CEP85L: variants seen among roughly 807,000 people sequenced by gnomAD.
CEP85L encodes the protein centrosomal protein 85L, also known as centrosomal protein of 85 kDa-like.
Under a neutral mutation model 100.3 loss-of-function variants are expected in CEP85L, and 60 were observed. The ratio of observed to expected loss-of-function variants is 0.60; its 90% CI spans 0.49 to 0.74. CEP85L has a LOEUF of 0.74. Ranked by LOEUF, CEP85L falls within the 30% of genes least tolerant of loss-of-function variation. The pLI is 0.00. For synonymous variants in CEP85L, 319 were observed against 322.7 expected (o/e 0.99, Z 0.12); for missense variants, 973 against 936.2 (o/e 1.04, Z -0.51).
intron 1 of CEP85L, among the ~76,000 whole-genome samples, chr6:118,649,909 T>A (rs1157021848): frequency 6.6e-6 from 1 of 152,240 alleles, no homozygotes; most frequent in Non-Finnish European, 1.5e-5. Flanking sequence ...AATGTACATA[T>A]GTCTTTTTAA....
At chr6:118,631,848 G>A (rs184801930) in intron 2 of CEP85L, among the ~76,000 whole-genome samples, 3 of 152,272 alleles carry the variant, frequency 2.0e-5, no homozygotes, top group Admixed American at 6.5e-5. Flanking sequence ...GAGGTATGTG[G>A]AAATGTTCTG....
intron 2 of CEP85L, among the ~76,000 whole-genome samples, chr6:118,571,530 C>T (rs1187645541): frequency 6.6e-6 from 1 of 152,118 alleles, no homozygotes; most frequent in Non-Finnish European, 1.5e-5. Flanking sequence ...TCATGTTATT[C>T]TCATCTGGTA....
chr6:118,571,142 AT>A lies in CEP85L; in HGVS notation c.233-4827del, dbSNP rs528677430. 8.0e-4 allele frequency among the ~76,000 whole-genome samples: 122 copies of A among 152,318 alleles called. 1 individual carries two copies. The highest frequency in any genetic ancestry group is 8.5e-4 in the Non-Finnish European group (58 of 68,018). On this transcript the variant is annotated intron_variant, in intron 2 of 12. Transcript: ENST00000368491. ...AGTCTAGAAAATGTTAACTTTAACA[AT>A]TTCAACACTTAAAAATGTTATTTTA...
At chr6:118,640,374 A>T (rs1021129299) in intron 1 of CEP85L, among the ~76,000 whole-genome samples, 1 of 152,144 alleles carries the variant, frequency 6.6e-6, no homozygotes, top group Non-Finnish European at 1.5e-5. Flanking sequence ...ACCTGGGTTC[A>T]AGTTCATTCT....
At chr6:118,601,532 A>G (rs1317701918) in intron 2 of CEP85L, among the ~76,000 whole-genome samples, 1 of 152,204 alleles carries the variant, frequency 6.6e-6, no homozygotes, top group African/African-American at 2.4e-5. Flanking sequence ...ATATACATGA[A>G]TATCTGTTTT....
At chr6:118,588,318 T>G (rs562905600) in intron 2 of CEP85L, among the ~76,000 whole-genome samples, 10 of 152,318 alleles carry the variant, frequency 6.6e-5, no homozygotes, top group African/African-American at 2.4e-4. Context: ...CAATACTTAA[T>G]ATCTCTATTA....
At chr6:118,571,709 A>G (rs1417610501) in intron 2 of CEP85L, among the ~76,000 whole-genome samples, 1 of 152,202 alleles carries the variant, frequency 6.6e-6, no homozygotes, top group African/African-American at 2.4e-5. Flanking sequence ...TTCACAGTTT[A>G]AAAAATAATC....
intron 6 of CEP85L, among the ~76,000 whole-genome samples, chr6:118,489,984 T>TACACACAC (rs377195681): frequency 5.3e-5 from 8 of 150,600 alleles, no homozygotes; most frequent in Non-Finnish European, 1.0e-4. Flanking sequence ...TGTATATATA[T>TACACACAC]ACACACACAC....
At chr6:118,479,611 T>C (rs1017300560) in intron 10 of CEP85L, among the ~76,000 whole-genome samples, 1 of 152,144 alleles carries the variant, frequency 6.6e-6, no homozygotes, top group Non-Finnish European at 1.5e-5. Flanking sequence ...TATATTGGTT[T>C]TGTATTCTCT....
intron 3 of CEP85L, among the ~76,000 whole-genome samples, chr6:118,561,280 C>G (rs1779208337): frequency 6.6e-6 from 1 of 152,142 alleles, no homozygotes. Context: ...TATCCCTAGT[C>G]TTAAAAACAA....
intron 5 of CEP85L, among the ~76,000 whole-genome samples, chr6:118,508,811 G>C (rs374789876): frequency 1.2e-4 from 18 of 151,794 alleles, no homozygotes; most frequent in African/African-American, 3.9e-4. Flanking sequence ...ATATGTTATG[G>C]ATCAGAAAAA....
intron 1 of CEP85L, among the ~76,000 whole-genome samples, chr6:118,690,690 A>G (rs977248908): frequency 2.6e-4 from 39 of 152,362 alleles, no homozygotes; most frequent in African/African-American, 9.1e-4. Flanking sequence ...TTTTCTTTAA[A>G]ATTGACTCAG....
intron 1 of CEP85L, among the ~76,000 whole-genome samples, chr6:118,692,112 T>G (rs1311596868): frequency 6.6e-6 from 1 of 152,120 alleles, no homozygotes; most frequent in Non-Finnish European, 1.5e-5. Context: ...CATCCCTTTC[T>G]GGGTCTTAAT....
At chr6:118,624,973 C>T (rs1481645600) in intron 2 of CEP85L, among the ~76,000 whole-genome samples, 1 of 152,248 alleles carries the variant, frequency 6.6e-6, no homozygotes, top group Non-Finnish European at 1.5e-5. Flanking sequence ...CCTCTCCTAA[C>T]AATCCAACTA....
chr6:118,611,343 T>C (rs1484539119), intron 2 of CEP85L, among the ~76,000 whole-genome samples: 1 of 152,134 alleles, frequency 6.6e-6, no homozygotes, highest in Non-Finnish European at 1.5e-5. Flanking sequence ...GAGCAATGTA[T>C]ATAAAAATAC....
chr6:118,692,231 A>G (rs794858), intron 1 of CEP85L, among the ~76,000 whole-genome samples: 6,438 of 152,252 alleles, frequency 0.042, 262 homozygotes, highest in African/African-American at 0.096. Flanking sequence ...AAGCTATGCA[A>G]TATATGTTAG....
intron 12 of CEP85L, among the ~76,000 whole-genome samples, chr6:118,466,171 G>T (rs1284616792): frequency 2.0e-5 from 3 of 152,132 alleles, no homozygotes; most frequent in Non-Finnish European, 4.4e-5. Context: ...TGAGGGCCTT[G>T]AGTCAGCCAG....
intron 3 of CEP85L, among the ~76,000 whole-genome samples, chr6:118,563,159 C>T (rs771913710): frequency 4.6e-5 from 7 of 152,164 alleles, no homozygotes; most frequent in Non-Finnish European, 1.0e-4. Context: ...TGTCATAAAC[C>T]ATCTGAGGGC....
chr6:118,568,559 C>T (rs920679695), intron 2 of CEP85L, among the ~76,000 whole-genome samples: 1 of 152,184 alleles, frequency 6.6e-6, no homozygotes, highest in African/African-American at 2.4e-5. Flanking sequence ...CATCTTCAAA[C>T]GCTCTGCTAA....
Sources: allele counts gnomAD v4.1 joint callset (sites outside exome capture counted in the v4.1 genomes callset), GRCh38; gene constraint gnomAD v4.1.1; transcripts MANE v1.5; gene names NCBI Gene and HGNC (gene_info 2026-07-23, HGNC 2026-07-21).